Variants in GRAP2 observed in about 807,000 individuals in gnomAD.
GRAP2 encodes the protein GRB2 related adaptor protein 2, also known as GRB2-related adapter protein 2.
GRAP2 carries 31 observed loss-of-function variants against 43.5 expected under a neutral mutation model. That is an observed-to-expected ratio of 0.71 (90% CI 0.54 to 0.96). The LOEUF (loss-of-function observed/expected upper bound fraction) is 0.96, where lower values mean the gene tolerates loss of function less well. Among genes scored for constraint, GRAP2 ranks in the 40% least tolerant of loss-of-function variants. The pLI is 0.00. For synonymous variants in GRAP2, 156 were observed against 164.8 expected (o/e 0.95, Z 0.41); for missense variants, 371 against 424.4 (o/e 0.87, Z 1.11).
chr22:39,963,640 A>G (rs986661197), intron 4 of GRAP2, among the ~76,000 whole-genome samples: 3 of 152,312 alleles, frequency 2.0e-5, no homozygotes, highest in Non-Finnish European at 2.9e-5. Context: ...TCACCCAGCT[A>G]TGAGCAAATC....
At chr22:39,964,314 G>A in intron 4 of GRAP2, 1 of 686,522 alleles carries the variant, frequency 1.5e-6, no homozygotes, top group South Asian at 1.6e-5. Flanking sequence ...GCAACAAAAG[G>A]TGCTGATCTA....
intron 1 of GRAP2, among the ~76,000 whole-genome samples, chr22:39,920,511 C>T (rs941561392): frequency 1.3e-5 from 2 of 152,180 alleles, no homozygotes; most frequent in Admixed American, 6.5e-5. Flanking sequence ...CGGGGTGCAG[C>T]TCAGTGTTCG....
rs2067240500 is a variant in GRAP2 at position 39,971,291 on chromosome 22, ACTTG to A, written c.*211_*214del. The A allele has an allele frequency of 1.9e-6, 1 of 529,974 alleles. No individual in the cohort carries two copies. Among genetic ancestry groups the A allele is most frequent in the Non-Finnish European group, 3.3e-6 (1 of 307,024 alleles). The allele number at this position is 529,974 out of a possible 1,614,324, so 32.8% of individuals were successfully genotyped here. The stretch of plus-strand genomic sequence containing the variant: ...AACTCAGGTGGAGAATAATATTGAC[ACTTG>A]CTTTTCTGCCCCCCTCAGGGGTGTG... On this transcript the variant is annotated 3_prime_UTR_variant, in exon 8 of 8. Coordinates refer to ENST00000344138, the MANE Select transcript of GRAP2 (RefSeq NM_004810.4).
rs1182900289 is a variant in GRAP2 at position 39,946,318 on chromosome 22, C to T, written c.-14-775C>T. On this transcript the variant is annotated intron_variant, in intron 1 of 7. Coordinates refer to ENST00000344138, the MANE Select transcript of GRAP2 (RefSeq NM_004810.4). The stretch of plus-strand genomic sequence containing the variant: ...CTGGGATTGGAGCCAGCTGTCTTAC[C>T]ATTACATCCCCGCTGCCTCCTAAAG... Among the ~76,000 whole-genome samples, 4 of 152,300 alleles carry T rather than the reference C, an allele frequency of 2.6e-5. No individual in the cohort carries two copies. The East Asian group carries it at 7.7e-4, about 29-fold the overall frequency.
At chr22:39,899,946 A>G (rs915457140), upstream of GRAP2, among the ~76,000 whole-genome samples, 1 of 152,054 alleles carries the variant, frequency 6.6e-6, no homozygotes, top group Non-Finnish European at 1.5e-5. Context: ...AGATCATGCC[A>G]TTGCACTCCA....
At chr22:39,897,407 C>G (rs9611227), upstream of GRAP2, among the ~76,000 whole-genome samples, 315 of 152,072 alleles carry the variant, frequency 2.1e-3, 1 homozygote, top group Non-Finnish European at 3.3e-3. Flanking sequence ...ATCTATGTTT[C>G]TAGACTTTAT....
rs138010 is a variant in GRAP2 at position 39,968,458 on chromosome 22, AACACACAC to A, written c.690+201_690+208del. On this transcript the variant is annotated intron_variant, in intron 6 of 7. Coordinates refer to ENST00000344138, the MANE Select transcript of GRAP2 (RefSeq NM_004810.4). ...CTATGAATTAAATGGCTCCCACCTG[AACACACAC>A]ACACACACACACACTGTCTCACACA... The A allele has an allele frequency of 3.7e-3, 1,929 of 523,870 alleles. 24 individuals carry two copies. Among genetic ancestry groups the A allele is most frequent in the African/African-American group, 0.033 (1,693 of 51,112 alleles). 32.5% of individuals were successfully genotyped at this position (523,870 alleles called of 1,614,324 possible).
At chr22:39,938,986 C>T (rs1409360056) in intron 1 of GRAP2, among the ~76,000 whole-genome samples, 1 of 152,150 alleles carries the variant, frequency 6.6e-6, no homozygotes, top group Non-Finnish European at 1.5e-5. Context: ...GGGATTTATG[C>T]TTCCTGGGGC....
At chr22:39,915,590 T>C (rs897791659) in intron 1 of GRAP2, among the ~76,000 whole-genome samples, 3 of 152,188 alleles carry the variant, frequency 2.0e-5, no homozygotes, top group African/African-American at 7.2e-5. Context: ...AGACTGCTAT[T>C]GGAAATGTTT....
chr22:39,902,857 C>G (rs2066501503), intron 1 of GRAP2, among the ~76,000 whole-genome samples: 1 of 152,176 alleles, frequency 6.6e-6, no homozygotes, highest in African/African-American at 2.4e-5. Context: ...GAAAAAGGCT[C>G]TATAAAAATG....
chr22:39,929,807 C>G (rs1309123221), intron 1 of GRAP2, among the ~76,000 whole-genome samples: 2 of 152,208 alleles, frequency 1.3e-5, no homozygotes, highest in Non-Finnish European at 2.9e-5. Flanking sequence ...GACTGGGAGT[C>G]TCTACATAGA....
intron 1 of GRAP2, among the ~76,000 whole-genome samples, chr22:39,913,287 TAGAG>T (rs768660023): frequency 6.8e-6 from 1 of 147,772 alleles, no homozygotes; most frequent in African/African-American, 2.5e-5. Context: ...GTGGGAGAAA[TAGAG>T]AGAGAGAAGG....
chr22:39,915,211 G>GA (rs957394719), intron 1 of GRAP2, among the ~76,000 whole-genome samples: 3 of 144,456 alleles, frequency 2.1e-5, no homozygotes, highest in Non-Finnish European at 3.1e-5. Flanking sequence ...AAAAAGAAAA[G>GA]AAAAAAAAGA....
intron 1 of GRAP2, among the ~76,000 whole-genome samples, chr22:39,929,330 A>T (rs1001505388): frequency 2.0e-5 from 3 of 152,186 alleles, no homozygotes; most frequent in Non-Finnish European, 4.4e-5. Context: ...AGGAGTGTTC[A>T]TCTTGGCTTA....
At chr22:39,907,349 G>T (rs143203996) in intron 1 of GRAP2, among the ~76,000 whole-genome samples, 3 of 152,286 alleles carry the variant, frequency 2.0e-5, no homozygotes, top group African/African-American at 7.2e-5. Context: ...CAGAATTTCC[G>T]TGGGAAATTC....
intron 4 of GRAP2, among the ~76,000 whole-genome samples, chr22:39,962,965 G>A (rs1407116315): frequency 2.0e-5 from 3 of 152,062 alleles, no homozygotes; most frequent in Admixed American, 6.6e-5. Context: ...CACTGTGCCC[G>A]GACCCAGAAC....
chr22:39,961,526 T>A (rs966298778), intron 4 of GRAP2, among the ~76,000 whole-genome samples: 1 of 150,282 alleles, frequency 6.7e-6, no homozygotes, highest in Admixed American at 6.6e-5. Flanking sequence ...GGGCCAGGAG[T>A]GGGGGAGGAC....
chr22:39,927,666 C>CT (rs373344576), intron 1 of GRAP2, among the ~76,000 whole-genome samples: 25 of 150,202 alleles, frequency 1.7e-4, no homozygotes, highest in African/African-American at 4.1e-4. Context: ...TAAGGCATGA[C>CT]TTTTTTTTTT....
intron 1 of GRAP2, among the ~76,000 whole-genome samples, chr22:39,910,176 A>G (rs563069672): frequency 6.6e-6 from 1 of 152,254 alleles, no homozygotes; most frequent in Admixed American, 6.5e-5. Context: ...CCCCTAAGTC[A>G]CGGGACTCAG....
Sources: gnomAD v4.1 joint callset for allele counts (sites outside exome capture counted in the v4.1 genomes callset) on GRCh38, gnomAD v4.1.1 for gene constraint, MANE v1.5 for transcripts, NCBI Gene and HGNC (gene_info 2026-07-23, HGNC 2026-07-21) for gene names.